TBC1D16: variants seen among roughly 807,000 people sequenced by gnomAD.
TBC1D16 encodes the protein CTD-2529O21.1.
A neutral mutation model predicts 74.7 loss-of-function variants in TBC1D16; 58 were observed. That is an observed-to-expected ratio of 0.78 (90% CI 0.63 to 0.97). TBC1D16 has a LOEUF of 0.97. Among genes scored for constraint, TBC1D16 ranks in the 50% least tolerant of loss-of-function variants. The pLI is 0.00. For synonymous variants in TBC1D16, 493 were observed against 474.7 expected, an observed-to-expected ratio of 1.04 and a Z score of -0.50; for missense variants, 1,014 against 1,079.5, an observed-to-expected ratio of 0.94 and a Z score of 0.85.
chr17:80,003,005 G>A (rs976660434), intron 3 of TBC1D16, among the ~76,000 whole-genome samples: 11 of 152,242 alleles, frequency 7.2e-5, no homozygotes, highest in African/African-American at 2.4e-4. Context: ...TCCACCTGCA[G>A]GTGGGCTGGG....
chr17:79,982,480 T>TTC lies in TBC1D16; in HGVS notation c.779+27679_779+27680insGA, dbSNP rs368578990. ...TAAAGTCAATAATATCACATTGAAC[T>TTC]TTTGTGTGTTCACGTCTGCACACAA... On this transcript the variant is annotated intron_variant, in intron 3 of 11. Coordinates refer to ENST00000310924, the MANE Select transcript of TBC1D16 (RefSeq NM_019020.4). 6.8e-3 allele frequency among the ~76,000 whole-genome samples: 1,034 copies of TTC among 151,790 alleles called. 20 individuals carry two copies. Among genetic ancestry groups the TTC allele is most frequent in the African/African-American group, 0.023 (967 of 41,412 alleles).
chr17:79,956,983 T>C lies in TBC1D16; in HGVS notation c.780-4165A>G, dbSNP rs1326692141. 6.6e-6 allele frequency among the ~76,000 whole-genome samples: 1 copy of C among 152,146 alleles called. No homozygotes were observed. Among genetic ancestry groups the C allele is most frequent in the Non-Finnish European group, 1.5e-5 (1 of 68,018 alleles). On this transcript the variant is annotated intron_variant, in intron 3 of 11. Transcript: ENST00000310924. The surrounding 1 kb of genome is among the most constrained non-coding windows in gnomAD (Gnocchi z 4.0). The stretch of plus-strand genomic sequence containing the variant: ...CCAGGACTCTTGCCTAGATAGAAAC[T>C]GGCACTGGCCCTCCAGGGGACCAGT...
rs2035814202 is a variant in TBC1D16 at position 80,009,991 on chromosome 17, C to T, written c.779+169G>A. On this transcript the variant is annotated intron_variant, in intron 3 of 11. Transcript: ENST00000310924. This position sits in a 1 kb window ranked among gnomAD's most constrained non-coding sequence, Gnocchi z 5.4. ...TAAAGTGGGGACTCCCTGCTGAAGC[C>T]CTTGCCTCAGGGAGGGGCTCCTGCC... 6.6e-6 allele frequency among the ~76,000 whole-genome samples: 1 copy of T among 152,150 alleles called. No homozygotes were observed. The highest frequency in any genetic ancestry group is 1.9e-4 in the East Asian group (1 of 5,174).
chr17:80,010,081 G>A lies in TBC1D16; in HGVS notation c.779+79C>T, dbSNP rs920010167. 20 of 1,194,040 alleles carry A rather than the reference G, an allele frequency of 1.7e-5. No individual in the cohort carries two copies. Among genetic ancestry groups the A allele is most frequent in the Admixed American group, 5.2e-5 (2 of 38,580 alleles). 74.0% of individuals were successfully genotyped at this position (1,194,040 alleles called of 1,614,324 possible). The stretch of plus-strand genomic sequence containing the variant: ...CTCCAGCGCTCACCTGGCATCACAG[G>A]TGACGCAGGTGAGTGCTTCCTGCCC... On this transcript the variant is annotated intron_variant, in intron 3 of 11. Transcript: ENST00000310924. The surrounding 1 kb of genome is among the most constrained non-coding windows in gnomAD (Gnocchi z 8.8).
rs1007599751 is a variant in TBC1D16, at chr17:79,940,619, C to T, written c.*240G>A. The stretch of plus-strand genomic sequence containing the variant: ...GCCTGCGTCTCAGGTGCGGTGGCTG[C>T]GCGTTCCACTGCAGCGTTTCAGGAG... On this transcript the variant is annotated 3_prime_UTR_variant, in exon 12 of 12. Transcript: ENST00000310924. This position sits in a 1 kb window ranked among gnomAD's most constrained non-coding sequence, Gnocchi z 5.4. 23 of 407,570 alleles carry T rather than the reference C, an allele frequency of 5.6e-5. No individual in the cohort carries two copies. Among genetic ancestry groups the T allele is most frequent in the African/African-American group, 2.4e-4 (12 of 49,154 alleles). The allele number at this position is 407,570 out of a possible 1,614,324, so 25.2% of individuals were successfully genotyped here. A position where few individuals can be genotyped will look rare whatever the true frequency, so the allele number is the denominator to read the frequency against.
At chr17:80,028,366 T>C (rs2036658404) in intron 1 of TBC1D16, among the ~76,000 whole-genome samples, 1 of 151,786 alleles carries the variant, frequency 6.6e-6, no homozygotes, top group Admixed American at 6.6e-5. Context: ...CCCTGTCTAT[T>C]AGAAATACAA....
At chr17:79,960,994 G>A (rs538402971) in intron 3 of TBC1D16, among the ~76,000 whole-genome samples, 1 of 152,110 alleles carries the variant, frequency 6.6e-6, no homozygotes, top group African/African-American at 2.4e-5. Flanking sequence ...CAAAATACAT[G>A]GAAAATGTTC....
chr17:80,021,949 T>C (rs2036303531), intron 1 of TBC1D16, among the ~76,000 whole-genome samples: 2 of 25,814 alleles, frequency 7.7e-5, no homozygotes, highest in South Asian at 8.8e-4. Context: ...CACATGTATT[T>C]CTCCTAATTT....
intron 3 of TBC1D16, among the ~76,000 whole-genome samples, chr17:79,958,952 A>G (rs1005428625): frequency 1.3e-5 from 2 of 152,266 alleles, no homozygotes; most frequent in African/African-American, 4.8e-5. Flanking sequence ...GAAGGAACAG[A>G]ACTGCCCCTA....
intron 1 of TBC1D16, chr17:80,025,827 G>A (rs897833008): frequency 3.3e-5 from 5 of 149,868 alleles, no homozygotes; most frequent in African/African-American, 1.3e-4. Flanking sequence ...CAGAGGTACA[G>A]AGAATGGCGT....
In TBC1D16 at chr17:79,969,941, C is replaced by CAAAGA. The variant is rs552490205; in HGVS notation, c.780-17128_780-17124dup. ...TAGGCAACAGAACGAGACTCCATCTCAAAGAAAAGAAAAGAAAAGAAAATA... is the reference window on the plus strand; with the variant it reads ...TAGGCAACAGAACGAGACTCCATCTCAAAGAAAAGAAAAGAAAAGAAAAGAAAATA... On this transcript the variant is annotated intron_variant, in intron 3 of 11. Transcript: ENST00000310924. 2.4e-3 allele frequency among the ~76,000 whole-genome samples: 359 copies of CAAAGA among 152,022 alleles called. 1 individual carries two copies. The highest frequency in any genetic ancestry group is 6.7e-3 in the African/African-American group (278 of 41,446).
intron 1 of TBC1D16, among the ~76,000 whole-genome samples, chr17:80,029,730 G>T (rs556316191): frequency 6.6e-6 from 1 of 152,128 alleles, no homozygotes; most frequent in Non-Finnish European, 1.5e-5. Context: ...CATTCCACGC[G>T]TATGAGCTTC....
In TBC1D16 at chr17:79,956,942, G is replaced by GA. The variant is rs1374743685; in HGVS notation, c.780-4125_780-4124insT. Among the ~76,000 whole-genome samples, 1 of 152,212 alleles carries GA rather than the reference G, an allele frequency of 6.6e-6. No homozygotes were observed. The highest frequency in any genetic ancestry group is 1.9e-4 in the East Asian group (1 of 5,196). On this transcript the variant is annotated intron_variant, in intron 3 of 11. Coordinates refer to ENST00000310924, the MANE Select transcript of TBC1D16 (RefSeq NM_019020.4). This position sits in a 1 kb window ranked among gnomAD's most constrained non-coding sequence, Gnocchi z 4.0. ...GGAGGCACGTTGCTGGGGGAGGTGT[G>GA]CGGTGGCTCCTGGGTCCAGGACTCT...
intron 3 of TBC1D16, among the ~76,000 whole-genome samples, chr17:79,989,950 CA>C (rs2034997642): frequency 2.6e-5 from 4 of 152,164 alleles, no homozygotes; most frequent in Admixed American, 2.6e-4. Context: ...TGCCCACCCC[CA>C]GGGGCAGGCC....
At chr17:79,955,091 G>A (rs974374759) in intron 3 of TBC1D16, among the ~76,000 whole-genome samples, 5 of 152,226 alleles carry the variant, frequency 3.3e-5, no homozygotes, top group Non-Finnish European at 5.9e-5. Flanking sequence ...CCTCCAGGCA[G>A]GAGTTGGCTT....
intron 3 of TBC1D16, 174 bp from the exon 4 acceptor site, chr17:79,952,992 A>C: frequency 1.6e-6 from 1 of 621,266 alleles, no homozygotes; most frequent in South Asian, 2.7e-5. Flanking sequence ...TATGAACCCC[A>C]CTGCACAGTT....
intron 2 of TBC1D16, among the ~76,000 whole-genome samples, chr17:80,011,454 C>A (rs572661962): frequency 4.6e-5 from 7 of 152,132 alleles, no homozygotes; most frequent in South Asian, 2.1e-4. Flanking sequence ...GTGAGCCCAG[C>A]GGCCCAGGTG....
chr17:80,009,197 C>G lies in TBC1D16; in HGVS notation c.779+963G>C, dbSNP rs568243234. Among the ~76,000 whole-genome samples, 77 of 152,382 alleles carry G rather than the reference C, an allele frequency of 5.1e-4. No homozygotes were observed. The highest frequency in any genetic ancestry group is 4.9e-3 in the Admixed American group (75 of 15,310). Reference sequence around the variant, plus strand: ...CGCCCGGCTCACACCACGAGCTCAACAGTTAATGACCTGCTCGCTGACTGA... The same window carrying G: ...CGCCCGGCTCACACCACGAGCTCAAGAGTTAATGACCTGCTCGCTGACTGA... On this transcript the variant is annotated intron_variant, in intron 3 of 11. Transcript: ENST00000310924. The surrounding 1 kb of genome is among the most constrained non-coding windows in gnomAD (Gnocchi z 5.4).
chr17:80,024,478 ACACCATAGACACACACCACACG>A (rs2036439012), intron 1 of TBC1D16, among the ~76,000 whole-genome samples: 17 of 90,184 alleles, frequency 1.9e-4, no homozygotes, highest in East Asian at 3.0e-4. Context: ...CACACACCAC[ACACCATAGACACACACCACACG>A]CACCATAGAC....
Sources: allele counts gnomAD v4.1 joint callset (sites outside exome capture counted in the v4.1 genomes callset), GRCh38; gene constraint gnomAD v4.1.1; non-coding constraint Gnocchi (gnomAD v3.1); transcripts MANE v1.5; gene names NCBI Gene and HGNC (gene_info 2026-07-23, HGNC 2026-07-21).